Variants in RNF128 observed in about 807,000 individuals in gnomAD.
The protein encoded by RNF128 is ring finger protein 128.
In RNF128, 13 loss-of-function variants were observed where a neutral mutation model predicts 26.2. That is an observed-to-expected ratio of 0.50 (90% CI 0.32 to 0.79). The LOEUF (loss-of-function observed/expected upper bound fraction) is 0.79, where lower values mean the gene tolerates loss of function less well. Ranked by LOEUF, RNF128 falls within the 30% of genes least tolerant of loss-of-function variation. RNF128 has a pLI of 0.03. For synonymous variants in RNF128, 149 were observed against 142.5 expected (o/e 1.05, Z -0.32); for missense variants, 315 against 349.7 (o/e 0.90, Z 0.79).
intron 1 of RNF128, among the ~76,000 whole-genome samples, chrX:106,703,924 A>G (rs906272991): frequency 1.8e-5 from 2 of 110,562 alleles, no homozygotes; most frequent in African/African-American, 6.6e-5. Context: ...TGGAATGGCA[A>G]CAAAAATTCC....
intron 1 of RNF128, among the ~76,000 whole-genome samples, chrX:106,763,180 T>C (rs1310167769): frequency 9.1e-6 from 1 of 109,292 alleles, no homozygotes; most frequent in African/African-American, 3.3e-5. Context: ...GGACTGGATA[T>C]AGGATGACCA....
intron 1 of RNF128, among the ~76,000 whole-genome samples, chrX:106,745,412 G>T (rs889079283): frequency 3.6e-5 from 4 of 111,792 alleles, no homozygotes; most frequent in African/African-American, 1.3e-4. Flanking sequence ...TGCCTATTCT[G>T]CAACAGACTA....
At chrX:106,789,369 T>A (rs1284868256) in intron 4 of RNF128, among the ~76,000 whole-genome samples, 1 of 96,800 alleles carries the variant, frequency 1.0e-5, no homozygotes, top group Non-Finnish European at 2.0e-5. Flanking sequence ...TATATATGTA[T>A]ATTATATATT....
At chrX:106,720,295 A>G (rs765351459) in intron 1 of RNF128, among the ~76,000 whole-genome samples, 1 of 111,734 alleles carries the variant, frequency 8.9e-6, no homozygotes, top group South Asian at 3.8e-4. Flanking sequence ...ATCTCCCAGT[A>G]GCAATCAAGT....
At chrX:106,752,942 C>G (rs1346009660) in intron 1 of RNF128, among the ~76,000 whole-genome samples, 2 of 110,905 alleles carry the variant, frequency 1.8e-5, no homozygotes, top group Non-Finnish European at 3.8e-5. Flanking sequence ...CAGAGTCTTT[C>G]AACAGCAGAA....
intron 1 of RNF128, among the ~76,000 whole-genome samples, chrX:106,728,654 A>G (rs1650723649): frequency 9.0e-6 from 1 of 111,549 alleles, no homozygotes; most frequent in South Asian, 3.8e-4. Context: ...GAGTGGCTGG[A>G]TGGCGTAATG....
At chrX:106,745,887 A>C (rs1929787975) in intron 1 of RNF128, among the ~76,000 whole-genome samples, 1 of 111,063 alleles carries the variant, frequency 9.0e-6, no homozygotes, top group African/African-American at 3.3e-5. Flanking sequence ...GGTCTGATGA[A>C]GTTTGGTATC....
chrX:106,787,429 G>A (rs781669130), intron 3 of RNF128, among the ~76,000 whole-genome samples: 5 of 110,946 alleles, frequency 4.5e-5, no homozygotes, highest in African/African-American at 6.5e-5. Context: ...TTGCCAGGAG[G>A]TGGGGATGAG....
intron 1 of RNF128, among the ~76,000 whole-genome samples, chrX:106,716,405 C>A (rs1357340444): frequency 9.0e-6 from 1 of 111,642 alleles, no homozygotes; most frequent in East Asian, 2.8e-4. Flanking sequence ...GGAAAGAAAA[C>A]AACTGAGTAG....
chrX:106,757,577 A>C (rs1376549951), intron 1 of RNF128, among the ~76,000 whole-genome samples: 1 of 68,712 alleles, frequency 1.5e-5, no homozygotes, highest in Admixed American at 1.9e-4. Flanking sequence ...CACTCTAGGG[A>C]CTGTGGTGGG....
chrX:106,791,847 A>G (rs911877826), intron 6 of RNF128, among the ~76,000 whole-genome samples: 1 of 111,411 alleles, frequency 9.0e-6, no homozygotes, highest in Non-Finnish European at 1.9e-5. Flanking sequence ...GTTTTTCCCT[A>G]TAAAGATAAA....
intron 4 of RNF128, 105 bp downstream of exon 4, chrX:106,788,105 G>A (rs995983540): frequency 2.4e-6 from 1 of 416,410 alleles, no homozygotes; most frequent in Admixed American, 5.9e-5. Flanking sequence ...TGTAAAAAAT[G>A]TTTATTTTTT....
chrX:106,777,739 G>C (rs1930492018), intron 2 of RNF128, among the ~76,000 whole-genome samples: 2 of 111,532 alleles, frequency 1.8e-5, no homozygotes, highest in African/African-American at 6.5e-5. Flanking sequence ...GGAGGCCGAG[G>C]CGGGTGGATC....
intron 1 of RNF128, among the ~76,000 whole-genome samples, chrX:106,718,155 G>A (rs780406769): frequency 2.7e-5 from 3 of 111,756 alleles, no homozygotes; most frequent in Admixed American, 9.5e-5. Context: ...CCTAAACACC[G>A]TATAGAGGCC....
At chrX:106,713,751 G>A (rs1350569357) in intron 1 of RNF128, among the ~76,000 whole-genome samples, 1 of 111,539 alleles carries the variant, frequency 9.0e-6, no homozygotes, top group Non-Finnish European at 1.9e-5. Context: ...TGAACATGGG[G>A]TCGTTGGATA....
intron 2 of RNF128, among the ~76,000 whole-genome samples, chrX:106,773,960 G>GA (rs768560217): frequency 2.6e-4 from 29 of 110,862 alleles, no homozygotes; most frequent in African/African-American, 9.5e-4. Flanking sequence ...ATAGTTGCTG[G>GA]AAAAACAAAT....
upstream of RNF128, among the ~76,000 whole-genome samples, chrX:106,724,280 G>A (rs933977872): frequency 5.4e-5 from 6 of 110,824 alleles, no homozygotes; most frequent in Non-Finnish European, 1.1e-4. Flanking sequence ...TCCACTACCT[G>A]TCTATCCAAG....
At chrX:106,790,358 T>G (rs1930800716) in intron 5 of RNF128, 76 bp downstream of exon 5, 5 of 693,202 alleles carry the variant, frequency 7.2e-6, no homozygotes, top group Non-Finnish European at 1.1e-5. Context: ...ACATCCTTAT[T>G]TTTTCGCTAT....
At position 106,769,598 on chromosome X, in the gene RNF128, C is replaced by A. The variant is rs201880810; in HGVS notation, c.485-3315C>A. ...TTTGCTTGGTATATCTTCCTCCATC[C>A]CTTTATTTTGAGCCTATGTGTGTCT... On this transcript the variant is annotated intron_variant, in intron 1 of 6. Coordinates refer to ENST00000255499, the MANE Select transcript of RNF128 (RefSeq NM_194463.2). Among the ~76,000 whole-genome samples, 5 of 93,901 alleles carry A rather than the reference C, an allele frequency of 5.3e-5. No individual in the cohort carries two copies. The East Asian group carries it at 1.7e-3, about 32-fold the overall frequency. 81.5% of individuals were successfully genotyped at this position (93,901 alleles called of 115,157 possible). A position where few individuals can be genotyped will look rare whatever the true frequency, so the allele number is the denominator to read the frequency against.
Sources: gnomAD v4.1 joint callset for allele counts (sites outside exome capture counted in the v4.1 genomes callset) on GRCh38, gnomAD v4.1.1 for gene constraint, MANE v1.5 for transcripts, NCBI Gene and HGNC (gene_info 2026-07-23, HGNC 2026-07-21) for gene names.